The following NBEA variants were observed in gnomAD, a reference collection of about 807,000 sequenced individuals.
The protein encoded by NBEA is neurobeachin.
Under a neutral mutation model 343.4 loss-of-function variants are expected in NBEA, and 44 were observed. That is an observed-to-expected ratio of 0.13 (90% CI 0.10 to 0.16). The LOEUF (loss-of-function observed/expected upper bound fraction) is 0.16. NBEA is among the 10% of genes least tolerant of loss of function. NBEA has a pLI of 1.00. For missense variants in NBEA, 2,555 were observed against 3,631.3 expected, an observed-to-expected ratio of 0.70 and a Z score of 7.62; for synonymous variants, 1,175 against 1,238.7, an observed-to-expected ratio of 0.95 and a Z score of 1.08.
At chr13:35,505,670 C>T (rs2077047860) in intron 41 of NBEA, among the ~76,000 whole-genome samples, 2 of 152,098 alleles carry the variant, frequency 1.3e-5, no homozygotes, top group Admixed American at 1.3e-4. Context: ...AATGCATTCC[C>T]TTAATAACTA....
intron 5 of NBEA, 50 bp downstream of exon 5, chr13:35,048,734 C>T (rs1249870794): frequency 9.6e-7 from 1 of 1,038,642 alleles, no homozygotes; most frequent in Non-Finnish European, 1.4e-6. Context: ...TACTTGAATT[C>T]TATAAATGTA....
At chr13:35,617,745 G>A (rs900585470) in intron 48 of NBEA, among the ~76,000 whole-genome samples, 4 of 152,008 alleles carry the variant, frequency 2.6e-5, no homozygotes, top group African/African-American at 9.7e-5. Context: ...ACTCCTGGTC[G>A]GTTTTCTCAT....
At chr13:35,475,570 G>A (rs778780004) in intron 41 of NBEA, 6 of 1,613,512 alleles carry the variant, frequency 3.7e-6, no homozygotes, top group Non-Finnish European at 5.1e-6. Context: ...GGGGATGTGG[G>A]GAAGTGGCCA....
intron 36 of NBEA, among the ~76,000 whole-genome samples, chr13:35,323,350 G>A (rs1456213500): frequency 2.6e-5 from 4 of 152,014 alleles, no homozygotes; most frequent in Non-Finnish European, 5.9e-5. Context: ...TTAAGAAAAT[G>A]TGGCACTTAT....
At chr13:35,261,978 G>A (rs13378627) in intron 34 of NBEA, among the ~76,000 whole-genome samples, 6,987 of 152,220 alleles carry the variant, frequency 0.046, 166 homozygotes, top group African/African-American at 0.064. Flanking sequence ...ACTCTTATTA[G>A]CAAGAGACAA....
chr13:35,649,925 G>T (rs1244577043), intron 52 of NBEA, 78 bp downstream of exon 52: 1 of 1,345,492 alleles, frequency 7.4e-7, no homozygotes, highest in African/African-American at 1.5e-5. Context: ...ACTGGGACTG[G>T]GATTAGCTCA....
intron 1 of NBEA, among the ~76,000 whole-genome samples, chr13:34,972,955 T>G (rs934454507): frequency 6.6e-6 from 1 of 152,202 alleles, no homozygotes; most frequent in African/African-American, 2.4e-5. Context: ...GCTGATTCTT[T>G]CTCATCTTTG....
intron 41 of NBEA, among the ~76,000 whole-genome samples, chr13:35,480,151 C>T (rs1441753101): frequency 2.6e-5 from 4 of 151,398 alleles, no homozygotes; most frequent in Non-Finnish European, 5.9e-5. Flanking sequence ...TATTGTGATC[C>T]TTAACACTTC....
intron 55 of NBEA, among the ~76,000 whole-genome samples, chr13:35,658,022 T>C (rs2084901356): frequency 6.6e-6 from 1 of 152,140 alleles, no homozygotes; most frequent in South Asian, 2.1e-4. Flanking sequence ...TAACTATCAA[T>C]TGTAGCTTTG....
intron 47 of NBEA, among the ~76,000 whole-genome samples, chr13:35,598,351 G>T (rs981892385): frequency 4.6e-5 from 7 of 152,184 alleles, no homozygotes; most frequent in Admixed American, 3.3e-4. Context: ...TAGGGCCCAG[G>T]TCTGTTATCT....
At chr13:35,484,032 C>G (rs1355044123) in intron 41 of NBEA, among the ~76,000 whole-genome samples, 1 of 151,976 alleles carries the variant, frequency 6.6e-6, no homozygotes, top group Non-Finnish European at 1.5e-5. Context: ...CATAATAACC[C>G]TTAACAGTTT....
chr13:35,475,705 T>C (rs1450976891), intron 41 of NBEA: 4 of 1,613,750 alleles, frequency 2.5e-6, no homozygotes, highest in East Asian at 4.5e-5. Context: ...CACATCCCGG[T>C]AGCTACATTT....
rs1262024764 is a variant in NBEA, at chr13:35,244,080, A to G, written c.5776+11461A>G. On this transcript the variant is annotated intron_variant, in intron 34 of 58. Coordinates refer to ENST00000379939, the MANE Select transcript of NBEA (RefSeq NM_001385012.1). ...ACATTTAAAACTATTAAAATCTTACAAAGTATCTTTTCTAATCACAGTGGA... is the reference window on the plus strand; with the variant it reads ...ACATTTAAAACTATTAAAATCTTACGAAGTATCTTTTCTAATCACAGTGGA... Among the ~76,000 whole-genome samples, 3 of 152,080 alleles carry G rather than the reference A, an allele frequency of 2.0e-5. 1 individual carries two copies. In the Middle Eastern group the frequency reaches 0.01, roughly 517 times the overall value.
intron 24 of NBEA, among the ~76,000 whole-genome samples, chr13:35,167,343 C>A (rs2070116704): frequency 6.6e-6 from 1 of 151,838 alleles, no homozygotes; most frequent in Non-Finnish European, 1.5e-5. Flanking sequence ...CTAGAGATAA[C>A]ATTTTTGTAT....
chr13:35,331,914 AT>A (rs2038949190), intron 36 of NBEA, among the ~76,000 whole-genome samples: 1 of 152,056 alleles, frequency 6.6e-6, no homozygotes, highest in Non-Finnish European at 1.5e-5. Context: ...TGTAATAGCT[AT>A]TCTTAAATTA....
intron 1 of NBEA, among the ~76,000 whole-genome samples, chr13:34,949,304 CA>C (rs2059281608): frequency 1.3e-5 from 2 of 152,156 alleles, no homozygotes; most frequent in African/African-American, 4.8e-5. Flanking sequence ...TAAAAGCTGA[CA>C]AGATCCTGAC....
At chr13:35,570,776 A>T (rs1354325844) in intron 45 of NBEA, among the ~76,000 whole-genome samples, 3 of 152,176 alleles carry the variant, frequency 2.0e-5, no homozygotes, top group Non-Finnish European at 4.4e-5. Flanking sequence ...AAATCCATCA[A>T]TAAACAAGAT....
chr13:35,459,005 GCCCCCCC>G (rs559844063), intron 40 of NBEA, among the ~76,000 whole-genome samples: 1 of 100,496 alleles, frequency 1.0e-5, no homozygotes, highest in Non-Finnish European at 1.9e-5. Context: ...CTTTACCACC[GCCCCCCC>G]CCCCCCACAC....
At chr13:35,291,394 A>G (rs773535893) in intron 35 of NBEA, among the ~76,000 whole-genome samples, 7 of 152,008 alleles carry the variant, frequency 4.6e-5, no homozygotes, top group Non-Finnish European at 7.4e-5. Context: ...AAACTTACCA[A>G]TTGATTTCAG....
Sources: gnomAD v4.1 joint callset for allele counts (sites outside exome capture counted in the v4.1 genomes callset) on GRCh38, gnomAD v4.1.1 for gene constraint, MANE v1.5 for transcripts, NCBI Gene and HGNC (gene_info 2026-07-23, HGNC 2026-07-21) for gene names.